FAM110B: variants seen among roughly 807,000 people sequenced by gnomAD.
FAM110B encodes the protein protein FAM110B.
FAM110B carries 6 observed loss-of-function variants against 20.4 expected under a neutral mutation model. That is an observed-to-expected ratio of 0.29 (90% CI 0.16 to 0.58). The LOEUF (loss-of-function observed/expected upper bound fraction) is 0.58. Ranked by LOEUF, FAM110B falls within the 20% of genes least tolerant of loss-of-function variation. FAM110B has a pLI of 0.90. For synonymous variants in FAM110B, 226 were observed against 214.1 expected (o/e 1.06, Z -0.49); for missense variants, 434 against 498.2 (o/e 0.87, Z 1.23).
chr8:58,013,996 A>G (rs1264475286), intron 1 of FAM110B, among the ~76,000 whole-genome samples: 1 of 152,126 alleles, frequency 6.6e-6, no homozygotes, highest in Non-Finnish European at 1.5e-5. Flanking sequence ...ACAAGGATTG[A>G]CTGTGCACTA....
intron 1 of FAM110B, among the ~76,000 whole-genome samples, chr8:57,999,865 G>A (rs1320221774): frequency 6.6e-6 from 1 of 152,168 alleles, no homozygotes; most frequent in Non-Finnish European, 1.5e-5. Flanking sequence ...GCTGACTTCA[G>A]TGAAAAGAAG....
chr8:58,108,809 T>C (rs186625151), intron 3 of FAM110B, among the ~76,000 whole-genome samples: 2 of 152,310 alleles, frequency 1.3e-5, no homozygotes, highest in Admixed American at 1.3e-4. Flanking sequence ...GGTGAAAATG[T>C]TGAGAATTCC....
intron 1 of FAM110B, among the ~76,000 whole-genome samples, chr8:57,999,416 A>T (rs930487635): frequency 6.6e-6 from 1 of 151,812 alleles, no homozygotes; most frequent in Admixed American, 6.6e-5. Flanking sequence ...AATGCAAAAC[A>T]TTTTTTTCCT....
At chr8:58,014,246 G>A (rs529464055) in intron 1 of FAM110B, among the ~76,000 whole-genome samples, 18 of 152,242 alleles carry the variant, frequency 1.2e-4, no homozygotes, top group South Asian at 8.3e-4. Flanking sequence ...ACTGCGCAGG[G>A]TACTCCCTGG....
intron 2 of FAM110B, among the ~76,000 whole-genome samples, chr8:58,071,931 C>T (rs771860364): frequency 8.5e-5 from 13 of 152,240 alleles, no homozygotes; most frequent in Admixed American, 2.0e-4. Context: ...CAGAAGGGTG[C>T]GTATCAGTAG....
chr8:58,051,599 C>G (rs1318812751), intron 2 of FAM110B, among the ~76,000 whole-genome samples: 1 of 152,152 alleles, frequency 6.6e-6, no homozygotes, highest in Non-Finnish European at 1.5e-5. Flanking sequence ...TTGTGACTTT[C>G]AGGGTGCATT....
intron 1 of FAM110B, among the ~76,000 whole-genome samples, chr8:58,010,954 G>GT (rs1243275310): frequency 6.6e-6 from 1 of 152,206 alleles, no homozygotes; most frequent in African/African-American, 2.4e-5. Context: ...TTTGGGAGGT[G>GT]TACTGGGCCC....
chr8:58,048,962 A>T (rs1224890841), intron 2 of FAM110B, among the ~76,000 whole-genome samples: 1 of 152,246 alleles, frequency 6.6e-6, no homozygotes, highest in African/African-American at 2.4e-5. Context: ...AAGAAAAATC[A>T]TTATAGAGTA....
At chr8:58,010,014 G>C (rs1174679667) in intron 1 of FAM110B, among the ~76,000 whole-genome samples, 1 of 152,070 alleles carries the variant, frequency 6.6e-6, no homozygotes, top group Admixed American at 6.6e-5. Context: ...GGCTCTCTCT[G>C]TAGCTGGTGA....
At chr8:58,136,161 G>A (rs1803609266) in intron 3 of FAM110B, among the ~76,000 whole-genome samples, 1 of 151,984 alleles carries the variant, frequency 6.6e-6, no homozygotes, top group Non-Finnish European at 1.5e-5. Flanking sequence ...ACAGGCACGT[G>A]CCACCACGCC....
chr8:58,069,326 A>T (rs760732115), intron 2 of FAM110B, among the ~76,000 whole-genome samples: 8 of 152,240 alleles, frequency 5.3e-5, no homozygotes, highest in Admixed American at 2.6e-4. Flanking sequence ...AAGCACTTAC[A>T]GCTCATTGGC....
intron 3 of FAM110B, among the ~76,000 whole-genome samples, chr8:58,081,651 G>A (rs1806196001): frequency 6.6e-6 from 1 of 152,200 alleles, no homozygotes; most frequent in African/African-American, 2.4e-5. Context: ...CTGTTATTCT[G>A]CTCATGTTCC....
At chr8:58,127,943 A>C (rs965538400) in intron 3 of FAM110B, among the ~76,000 whole-genome samples, 1 of 152,212 alleles carries the variant, frequency 6.6e-6, no homozygotes. Flanking sequence ...ATTCTCTTTT[A>C]ATCCATTTCA....
At chr8:58,016,352 G>C (rs1439144787) in intron 1 of FAM110B, among the ~76,000 whole-genome samples, 1 of 152,166 alleles carries the variant, frequency 6.6e-6, no homozygotes, top group Non-Finnish European at 1.5e-5. Flanking sequence ...TCTTAGCAGG[G>C]AGCTTCTGGC....
At chr8:58,012,714 C>T (rs1481157249) in intron 1 of FAM110B, among the ~76,000 whole-genome samples, 1 of 152,152 alleles carries the variant, frequency 6.6e-6, no homozygotes, top group East Asian at 1.9e-4. Context: ...TTGGGGTTAT[C>T]CCATTTCTTC....
intron 3 of FAM110B, among the ~76,000 whole-genome samples, chr8:58,126,895 TG>T (rs1474558041): frequency 6.6e-6 from 1 of 152,226 alleles, no homozygotes; most frequent in Non-Finnish European, 1.5e-5. Flanking sequence ...AAAAAGTTTT[TG>T]TAATTCTAAT....
chr8:58,086,521 A>G (rs1027318929), intron 3 of FAM110B, among the ~76,000 whole-genome samples: 3 of 152,210 alleles, frequency 2.0e-5, no homozygotes, highest in African/African-American at 7.2e-5. Context: ...CAGACGACTG[A>G]AACCTGGCTT....
At chr8:57,997,883 T>C (rs1334615638) in intron 1 of FAM110B, among the ~76,000 whole-genome samples, 1 of 152,198 alleles carries the variant, frequency 6.6e-6, no homozygotes, top group Non-Finnish European at 1.5e-5. Context: ...TAGGTGCTGT[T>C]ATCCCCTTTC....
rs185862306 is a variant in FAM110B, at chr8:58,061,102, T to C, written c.-413-14433T>C. ...ATCTTTCTAAAGCCTGGCATTGATT[T>C]ATATCACATGTTCAAATTGTTTCTA... On this transcript the variant is annotated intron_variant, in intron 2 of 3. Coordinates refer to ENST00000519262, the MANE Select transcript of FAM110B (RefSeq NM_001377989.1). 2.6e-5 allele frequency among the ~76,000 whole-genome samples: 4 copies of C among 152,328 alleles called. No individual in the cohort carries two copies. In the East Asian group the frequency reaches 7.7e-4, roughly 29 times the overall value.
Sources: allele counts gnomAD v4.1 joint callset (sites outside exome capture counted in the v4.1 genomes callset), GRCh38; gene constraint gnomAD v4.1.1; transcripts MANE v1.5; gene names NCBI Gene and HGNC (gene_info 2026-07-23, HGNC 2026-07-21).